The following HSPA5 variants were observed in gnomAD, a reference collection of about 807,000 sequenced individuals.
HSPA5 encodes the protein heat shock protein family A (Hsp70) member 5.
A neutral mutation model predicts 49.5 loss-of-function variants in HSPA5; 16 were observed. The observed-to-expected ratio is 0.32, with a 90% CI of 0.22 to 0.49. The LOEUF is 0.49. Ranked by LOEUF, HSPA5 falls within the 20% of genes least tolerant of loss-of-function variation. The pLI, the probability that HSPA5 is intolerant of heterozygous loss-of-function variation, is 0.99. For missense variants in HSPA5, 376 were observed against 819.0 expected, an observed-to-expected ratio of 0.46 and a Z score of 6.60; for synonymous variants, 271 against 307.2, an observed-to-expected ratio of 0.88 and a Z score of 1.23.
Position 125,239,291 on chromosome 9 carries a change from C to A in HSPA5, c.646G>T (p.Gly216Trp), listed in dbSNP as rs1832534088. The change falls in exon 5 of 8, where the codon GGG becomes TGG. Residue 216 changes from glycine to tryptophan, a missense_variant. By Grantham distance (184) the Gly-to-Trp change is radical. Transcript: ENST00000324460. This position sits in a 1 kb window ranked among gnomAD's most constrained non-coding sequence, Gnocchi z 5.5. ...AIAYGLDKREGEKNILVFDLG... is the reference protein window; with the variant it reads ...AIAYGLDKREWEKNILVFDLG... ...TCAAACACCAGGATGTTCTTCTCCC[C>A]CTCCCTCTTATCCAGGCCATAAGCA... 6.2e-7 allele frequency: 1 copy of A among 1,613,788 alleles called. No individual in the cohort carries two copies. The highest frequency in any genetic ancestry group is 8.5e-7 in the Non-Finnish European group (1 of 1,179,752).
In HSPA5 at chr9:125,238,690, G is replaced by T; in HGVS notation, c.1134C>A (p.Phe378Leu). The T allele has an allele frequency of 6.2e-7, 1 of 1,614,148 alleles. No homozygotes were observed. Among genetic ancestry groups the T allele is most frequent in the South Asian group, 1.1e-5 (1 of 91,084 alleles). Residue 378 changes from phenylalanine to leucine, a missense_variant, in exon 6 of 8, where the codon TTC becomes TTA. By Grantham distance (22) the Phe-to-Leu change is conservative (BLOSUM62 0). Coordinates refer to ENST00000324460, the MANE Select transcript of HSPA5 (RefSeq NM_005347.5). ...IPKIQQLVKE[F>L]FNGKEPSRGI... is the part of the protein sequence containing the mutation. Reference sequence around the variant, plus strand: ...CACGGGATGGTTCCTTGCCATTGAAGAACTCTTTAACCAGTTGCTGAATCT... The same window carrying T: ...CACGGGATGGTTCCTTGCCATTGAATAACTCTTTAACCAGTTGCTGAATCT...
Position 125,240,398 on chromosome 9 carries a change from T to C in HSPA5, c.355-89A>G, listed in dbSNP as rs1832549225. ...ACTACCATCCCCACAATTTGGTTTATTTTGGTCCCTTGGGGCTGCAAATTG... is the reference window on the plus strand; with the variant it reads ...ACTACCATCCCCACAATTTGGTTTACTTTGGTCCCTTGGGGCTGCAAATTG... On this transcript the variant is annotated intron_variant, in intron 2 of 7. Coordinates refer to ENST00000324460, the MANE Select transcript of HSPA5 (RefSeq NM_005347.5). The surrounding 1 kb of genome is among the most constrained non-coding windows in gnomAD (Gnocchi z 4.4). 1 of 1,217,104 alleles carries C rather than the reference T, an allele frequency of 8.2e-7. No individual in the cohort carries two copies. The highest frequency in any genetic ancestry group is 1.5e-5 in the African/African-American group (1 of 65,668). The allele number at this position is 1,217,104 out of a possible 1,614,324, so 75.4% of individuals were successfully genotyped here. A position where few individuals can be genotyped will look rare whatever the true frequency, so the allele number is the denominator to read the frequency against.
Position 125,238,129 on chromosome 9 carries a change from TTAAG to T in HSPA5, c.1402+8_1402+11del. The T allele has an allele frequency of 6.2e-7, 1 of 1,608,090 alleles. No homozygotes were observed. The highest frequency in any genetic ancestry group is 8.5e-7 in the Non-Finnish European group (1 of 1,175,968). On this transcript the variant is annotated splice_region_variant and intron_variant, in intron 7 of 7. Coordinates refer to ENST00000324460, the MANE Select transcript of HSPA5 (RefSeq NM_005347.5). ...AAAAAAAGCCATGATATTAACAAAC[TTAAG>T]TAATTACCTTCATAGACCTTGATTG...
Position 125,237,115 on chromosome 9 carries a change from G to A in HSPA5, c.1442C>T (p.Thr481Ile). ...PLTKDNHLLGTFDLTGIPPAP... is the reference protein window; with the variant it reads ...PLTKDNHLLGIFDLTGIPPAP... ...AGGAGGAATTCCAGTCAGATCAAAT[G>A]TACCCAGAAGATGATTGTCTTTTGT... The change falls in exon 8 of 8, where the codon ACA becomes ATA. Residue 481 changes from threonine to isoleucine, a missense_variant. Thr to Ile is a moderately conservative substitution (Grantham distance 89). Coordinates refer to ENST00000324460, the MANE Select transcript of HSPA5 (RefSeq NM_005347.5). The A allele has an allele frequency of 1.2e-6, 2 of 1,611,052 alleles. No individual in the cohort carries two copies. Among genetic ancestry groups the A allele is most frequent in the South Asian group, 1.1e-5 (1 of 90,576 alleles).
rs892755990 is a variant in HSPA5 at position 125,235,524 on chromosome 9, ATTTACCTGGAC to A, written c.*1057_*1067del. ...CAGCCTGTCCTTTATTGATCATACC[ATTTACCTGGAC>A]TCTTTTCTTCAGGAACACAATCTAA... On this transcript the variant is annotated 3_prime_UTR_variant, in exon 8 of 8. Coordinates refer to ENST00000324460, the MANE Select transcript of HSPA5 (RefSeq NM_005347.5). The A allele has an allele frequency of 2.0e-5, 3 of 151,942 alleles. No homozygotes were observed. The highest frequency in any genetic ancestry group is 7.3e-5 in the African/African-American group (3 of 41,360). The allele number at this position is 151,942 out of a possible 1,614,324, so 9.4% of individuals were successfully genotyped here. A position where few individuals can be genotyped will look rare whatever the true frequency, so the allele number is the denominator to read the frequency against.
At position 125,237,436 on chromosome 9, in the gene HSPA5, G is replaced by A. The variant is rs34129695; in HGVS notation, c.1403-282C>T. Among the ~76,000 whole-genome samples the A allele has an allele frequency of 6.6e-5, 10 of 152,138 alleles. No individual in the cohort carries two copies. The East Asian group carries it at 1.5e-3, about 23-fold the overall frequency. On this transcript the variant is annotated intron_variant, in intron 7 of 7. Transcript: ENST00000324460. The stretch of plus-strand genomic sequence containing the variant: ...TAGTGAGAATGCTAATCATTGGCTG[G>A]GTACAGTGGCTCACACCTGTAATAA...
chr9:125,240,407 C>A lies in HSPA5; in HGVS notation c.355-98G>T. The A allele has an allele frequency of 9.3e-7, 1 of 1,075,502 alleles. No homozygotes were observed. Among genetic ancestry groups the A allele is most frequent in the East Asian group, 2.4e-5 (1 of 41,370 alleles). 66.6% of individuals were successfully genotyped at this position (1,075,502 alleles called of 1,614,324 possible). ...CCCACAATTTGGTTTATTTTGGTCCCTTGGGGCTGCAAATTGACTAGAAAT... is the reference window on the plus strand; with the variant it reads ...CCCACAATTTGGTTTATTTTGGTCCATTGGGGCTGCAAATTGACTAGAAAT... On this transcript the variant is annotated intron_variant, in intron 2 of 7. Transcript: ENST00000324460. This position sits in a 1 kb window ranked among gnomAD's most constrained non-coding sequence, Gnocchi z 4.4.
Position 125,241,148 on chromosome 9 carries a change from A to C in HSPA5, c.-22T>G. ...TCATCTTGCCAGCCAGTTGGGCAGCAGCAGGCAGTCCAGCCACAGGCCGTA... is the reference window on the plus strand; with the variant it reads ...TCATCTTGCCAGCCAGTTGGGCAGCCGCAGGCAGTCCAGCCACAGGCCGTA... On this transcript the variant is annotated 5_prime_UTR_variant, in exon 1 of 8. Coordinates refer to ENST00000324460, the MANE Select transcript of HSPA5 (RefSeq NM_005347.5). 1 of 1,606,750 alleles carries C rather than the reference A, an allele frequency of 6.2e-7. No homozygotes were observed. The highest frequency in any genetic ancestry group is 8.5e-7 in the Non-Finnish European group (1 of 1,177,336).
rs1423813699 is a variant in HSPA5, at chr9:125,235,068, C to G, written c.*1524G>C. ...ACCAGTATTCTGCTCAGGGTCTGCCCAAATGCTTTTCGGGCAGTGCAGCTG... is the reference window on the plus strand; with the variant it reads ...ACCAGTATTCTGCTCAGGGTCTGCCGAAATGCTTTTCGGGCAGTGCAGCTG... On this transcript the variant is annotated 3_prime_UTR_variant, in exon 8 of 8. Coordinates refer to ENST00000324460, the MANE Select transcript of HSPA5 (RefSeq NM_005347.5). The G allele has an allele frequency of 2.0e-5, 3 of 152,232 alleles. No homozygotes were observed. The East Asian group carries it at 5.8e-4, about 29-fold the overall frequency. The allele number at this position is 152,232 out of a possible 1,614,324, so 9.4% of individuals were successfully genotyped here. A position where few individuals can be genotyped will look rare whatever the true frequency, so the allele number is the denominator to read the frequency against.
chr9:125,237,133 T>C lies in HSPA5; in HGVS notation c.1424A>G (p.Asp475Gly). The C allele has an allele frequency of 6.2e-7, 1 of 1,608,836 alleles. No homozygotes were observed. Among genetic ancestry groups the C allele is most frequent in the Non-Finnish European group, 8.5e-7 (1 of 1,177,060 alleles). Reference sequence around the variant, plus strand: ...ATCAAATGTACCCAGAAGATGATTGTCTTTTGTCAGGGGTCTTTCACCTAG... The same window carrying C: ...ATCAAATGTACCCAGAAGATGATTGCCTTTTGTCAGGGGTCTTTCACCTAG... ...VYEGERPLTK[D>G]NHLLGTFDLT... The change falls in exon 8 of 8, where the codon GAC becomes GGC. Residue 475 changes from aspartate (D) to glycine (G), a missense_variant. By Grantham distance (94) the Asp-to-Gly change is moderately conservative. Around this residue, in one of 8 missense-constraint regions of HSPA5, gnomAD observed 71 missense variants for 169.9 expected, o/e 0.42. Coordinates refer to ENST00000324460, the MANE Select transcript of HSPA5 (RefSeq NM_005347.5).
chr9:125,237,768 T>C (rs1174302904), intron 7 of HSPA5, among the ~76,000 whole-genome samples: 1 of 152,092 alleles, frequency 6.6e-6, no homozygotes, highest in Non-Finnish European at 1.5e-5. Flanking sequence ...TCCCTAGCCA[T>C]TTCAATAGGA....
intron 7 of HSPA5, among the ~76,000 whole-genome samples, chr9:125,237,444 G>A (rs959158118): frequency 2.0e-5 from 3 of 152,030 alleles, no homozygotes; most frequent in African/African-American, 4.8e-5. Context: ...TGGGTACAGT[G>A]GCTCACACCT....
rs980164425 is a variant in HSPA5, at chr9:125,241,224, T to C, written c.-98A>G. The C allele has an allele frequency of 1.9e-5, 28 of 1,439,176 alleles. No individual in the cohort carries two copies. The highest frequency in any genetic ancestry group is 2.8e-5 in the African/African-American group (2 of 70,456). The allele number at this position is 1,439,176 out of a possible 1,614,324, so 89.2% of individuals were successfully genotyped here. ...ACTTGCAGGCGGCAGGGGCCCGGGGTCACAAGGCGCCACGAACCAGGCGAA... is the reference window on the plus strand; with the variant it reads ...ACTTGCAGGCGGCAGGGGCCCGGGGCCACAAGGCGCCACGAACCAGGCGAA... On this transcript the variant is annotated 5_prime_UTR_variant, in exon 1 of 8. Transcript: ENST00000324460.
Position 125,240,339 on chromosome 9 carries a change from C to G in HSPA5, c.355-30G>C, listed in dbSNP as rs768152452. ...TTTAAAGAATTATTGTTTTCAGACA[C>G]AGATACAATGACATCTCAAAGTTTA... On this transcript the variant is annotated intron_variant, in intron 2 of 7. Transcript: ENST00000324460. This position sits in a 1 kb window ranked among gnomAD's most constrained non-coding sequence, Gnocchi z 4.4. The G allele has an allele frequency of 1.9e-6, 3 of 1,580,278 alleles. No individual in the cohort carries two copies. Among genetic ancestry groups the G allele is most frequent in the Non-Finnish European group, 2.6e-6 (3 of 1,159,354 alleles).
At chr9:125,238,555 G>A (rs750753672) in intron 6 of HSPA5, 35 bp downstream of exon 6, 1 of 1,514,056 alleles carries the variant, frequency 6.6e-7, no homozygotes, top group South Asian at 1.1e-5. Flanking sequence ...TCAAGCTACT[G>A]AATCACTAAG....
chr9:125,240,995 C>T lies in HSPA5; in HGVS notation c.122+10G>A. The stretch of plus-strand genomic sequence containing the variant: ...ACGCCCCGTCCCCCTGCATCCGCAA[C>T]CCCACTTACCAGGAGTAGGTGGTCC... On this transcript the variant is annotated intron_variant, in intron 1 of 7. Transcript: ENST00000324460. This position sits in a 1 kb window ranked among gnomAD's most constrained non-coding sequence, Gnocchi z 4.4. 1.9e-6 allele frequency: 3 copies of T among 1,612,320 alleles called. No homozygotes were observed. Among genetic ancestry groups the T allele is most frequent in the Non-Finnish European group, 2.5e-6 (3 of 1,178,984 alleles).
Position 125,240,602 on chromosome 9 carries a change from T to G in HSPA5, c.354+74A>C, listed in dbSNP as rs536131092. 1 of 1,251,776 alleles carries G rather than the reference T, an allele frequency of 8.0e-7. No homozygotes were observed. The highest frequency in any genetic ancestry group is 1.5e-5 in the African/African-American group (1 of 66,918). The allele number at this position is 1,251,776 out of a possible 1,614,324, so 77.5% of individuals were successfully genotyped here. On this transcript the variant is annotated intron_variant, in intron 2 of 7. Transcript: ENST00000324460. The surrounding 1 kb of genome is among the most constrained non-coding windows in gnomAD (Gnocchi z 4.4). ...CCTTCAACTGTTGTCTCAACACTTT[T>G]CCAGAGACTTATAACTCTAAATACT...
At position 125,240,807 on chromosome 9, in the gene HSPA5, G is replaced by A; in HGVS notation, c.223C>T (p.Leu75=). The A allele has an allele frequency of 1.2e-6, 2 of 1,614,266 alleles. No individual in the cohort carries two copies. Among genetic ancestry groups the A allele is most frequent in the Non-Finnish European group, 1.7e-6 (2 of 1,180,042 alleles). ...YVAFTPEGER[L]IGDAAKNQLT... ...TGGTTCTTGGCGGCATCGCCAATCAGACGTTCCCCTTCAGGAGTGAAGGCG... is the reference window on the plus strand; with the variant it reads ...TGGTTCTTGGCGGCATCGCCAATCAAACGTTCCCCTTCAGGAGTGAAGGCG... The change falls in exon 2 of 8, where the codon CTG becomes TTG. Residue 75 remains leucine (L), a synonymous_variant. Transcript: ENST00000324460. The surrounding 1 kb of genome is among the most constrained non-coding windows in gnomAD (Gnocchi z 4.4).
At position 125,241,169 on chromosome 9, in the gene HSPA5, C is replaced by A. The variant is rs387491; in HGVS notation, c.-43G>T. On this transcript the variant is annotated 5_prime_UTR_variant, in exon 1 of 8. Coordinates refer to ENST00000324460, the MANE Select transcript of HSPA5 (RefSeq NM_005347.5). Reference sequence around the variant, plus strand: ...CAGCAGCAGGCAGTCCAGCCACAGGCCGTAGCACAGGAGCACAGCGCAATT... The same window carrying A: ...CAGCAGCAGGCAGTCCAGCCACAGGACGTAGCACAGGAGCACAGCGCAATT... The A allele has an allele frequency of 6.3e-7, 1 of 1,590,754 alleles. No homozygotes were observed. The highest frequency in any genetic ancestry group is 1.1e-5 in the South Asian group (1 of 88,054).
Sources: gnomAD v4.1 joint callset for allele counts (sites outside exome capture counted in the v4.1 genomes callset) on GRCh38, gnomAD v4.1.1 for gene constraint, gnomAD v4.1.1 regional missense constraint, Gnocchi (gnomAD v3.1) non-coding constraint, MANE v1.5 for transcripts, NCBI Gene and HGNC (gene_info 2026-07-23, HGNC 2026-07-21) for gene names.